MTHFD2L: variants seen among roughly 807,000 people sequenced by gnomAD.
MTHFD2L encodes methylenetetrahydrofolate dehydrogenase (NADP+ dependent) 2 like, also known as bifunctional methylenetetrahydrofolate dehydrogenase/cyclohydrolase 2, mitochondrial.
Under a neutral mutation model 34.9 loss-of-function variants are expected in MTHFD2L, and 29 were observed. That is an observed-to-expected ratio of 0.83 (90% CI 0.62 to 1.13). The LOEUF (loss-of-function observed/expected upper bound fraction) is 1.13, where lower values mean the gene tolerates loss of function less well. Ranked by LOEUF, MTHFD2L falls within the 50% of genes most tolerant of loss-of-function variation. The pLI, the probability that MTHFD2L is intolerant of heterozygous loss-of-function variation, is 0.00. For synonymous variants in MTHFD2L, 167 were observed against 155.7 expected (o/e 1.07, Z -0.54); for missense variants, 481 against 446.5 (o/e 1.08, Z -0.70).
At chr4:74,154,235 T>C (rs1403088880), upstream of MTHFD2L, among the ~76,000 whole-genome samples, 1 of 152,188 alleles carries the variant, frequency 6.6e-6, no homozygotes, top group Non-Finnish European at 1.5e-5. Context: ...ATCAGTATGA[T>C]ATATTGGTGT....
intron 1 of MTHFD2L, among the ~76,000 whole-genome samples, chr4:74,166,215 TG>T (rs1389677016): frequency 6.6e-6 from 1 of 152,230 alleles, no homozygotes; most frequent in African/African-American, 2.4e-5. Context: ...GGAAGGAGGC[TG>T]GAAGTCTGAA....
chr4:74,142,340 G>A (rs1723325462), intron 1 of MTHFD2L, among the ~76,000 whole-genome samples: 1 of 152,144 alleles, frequency 6.6e-6, no homozygotes, highest in Non-Finnish European at 1.5e-5. Context: ...GGGCCTTTGG[G>A]AGGTAATTAG....
At chr4:74,262,784 T>C (rs145229730) in intron 6 of MTHFD2L, among the ~76,000 whole-genome samples, 4 of 152,058 alleles carry the variant, frequency 2.6e-5, no homozygotes, top group African/African-American at 9.6e-5. Context: ...AGTTATGCTT[T>C]ATTATAGTCC....
intron 6 of MTHFD2L, among the ~76,000 whole-genome samples, chr4:74,278,970 A>G (rs1476680619): frequency 6.6e-6 from 1 of 152,096 alleles, no homozygotes; most frequent in Non-Finnish European, 1.5e-5. Flanking sequence ...TTATTTAGCT[A>G]CCTATGACTC....
chr4:74,204,213 G>A (rs1444981129), intron 5 of MTHFD2L, among the ~76,000 whole-genome samples: 1 of 151,984 alleles, frequency 6.6e-6, no homozygotes, highest in Non-Finnish European at 1.5e-5. Flanking sequence ...CATTTAATCT[G>A]TGTAGGCCTC....
chr4:74,267,115 A>G (rs980953286), intron 6 of MTHFD2L: 236 of 985,150 alleles, frequency 2.4e-4, no homozygotes, highest in Non-Finnish European at 2.7e-4. Context: ...CTTTAAATAA[A>G]TGTTTCTAAA....
At chr4:74,231,940 A>G (rs900167162) in intron 6 of MTHFD2L, among the ~76,000 whole-genome samples, 2 of 152,212 alleles carry the variant, frequency 1.3e-5, no homozygotes, top group African/African-American at 4.8e-5. Context: ...GCATAGTGTA[A>G]TCAAGCTAGC....
At chr4:74,209,490 T>C (rs1472688081) in intron 5 of MTHFD2L, among the ~76,000 whole-genome samples, 10 of 152,282 alleles carry the variant, frequency 6.6e-5, no homozygotes, top group Non-Finnish European at 1.3e-4. Flanking sequence ...TGATGGTTTC[T>C]AGCTTCATCC....
intron 7 of MTHFD2L, among the ~76,000 whole-genome samples, chr4:74,286,714 T>C (rs1748223418): frequency 6.6e-6 from 1 of 152,206 alleles, no homozygotes; most frequent in African/African-American, 2.4e-5. Flanking sequence ...CTCTACCCTT[T>C]TGAAGCTTTA....
intron 7 of MTHFD2L, among the ~76,000 whole-genome samples, chr4:74,282,087 G>A (rs571911822): frequency 3.3e-5 from 5 of 152,018 alleles, no homozygotes; most frequent in African/African-American, 1.2e-4. Flanking sequence ...TTTTGTGGTC[G>A]ATGAAAGATA....
chr4:74,250,264 A>G (rs1287320783), intron 6 of MTHFD2L, among the ~76,000 whole-genome samples: 2 of 152,220 alleles, frequency 1.3e-5, no homozygotes, highest in African/African-American at 4.8e-5. Flanking sequence ...GAAACAAAAA[A>G]GTTTGAAAAT....
At chr4:74,123,119 A>T (rs188168394), upstream of MTHFD2L, among the ~76,000 whole-genome samples, 357 of 152,328 alleles carry the variant, frequency 2.3e-3, 1 homozygote, top group African/African-American at 8.0e-3. Flanking sequence ...ATTTGCTGAG[A>T]CCTGGGAGTG....
intron 4 of MTHFD2L, among the ~76,000 whole-genome samples, chr4:74,200,654 A>G (rs1734267293): frequency 6.6e-6 from 1 of 152,202 alleles, no homozygotes; most frequent in Non-Finnish European, 1.5e-5. Flanking sequence ...TGAGAAAGAA[A>G]AACTTCCAAG....
intron 3 of MTHFD2L, among the ~76,000 whole-genome samples, chr4:74,181,327 A>G (rs1730124687): frequency 6.6e-6 from 1 of 152,194 alleles, no homozygotes; most frequent in Admixed American, 6.5e-5. Context: ...GTAAATATGT[A>G]CTATTTACTA....
At chr4:74,287,877 A>G (rs1748389094) in intron 7 of MTHFD2L, among the ~76,000 whole-genome samples, 1 of 152,220 alleles carries the variant, frequency 6.6e-6, no homozygotes, top group African/African-American at 2.4e-5. Flanking sequence ...AGTTTTCCAG[A>G]AATGCCATAA....
intron 6 of MTHFD2L, among the ~76,000 whole-genome samples, chr4:74,254,959 A>T (rs953930834): frequency 1.3e-5 from 2 of 151,746 alleles, no homozygotes; most frequent in Non-Finnish European, 2.9e-5. Context: ...ATGTGGTAAA[A>T]CCCCATCTCT....
chr4:74,284,311 G>T (rs1460435848), intron 7 of MTHFD2L, among the ~76,000 whole-genome samples: 1 of 152,132 alleles, frequency 6.6e-6, no homozygotes, highest in Non-Finnish European at 1.5e-5. Context: ...GTTGGAAGCT[G>T]ATTCATACTT....
intron 6 of MTHFD2L, among the ~76,000 whole-genome samples, chr4:74,276,208 G>T (rs1396288966): frequency 2.6e-5 from 4 of 152,132 alleles, no homozygotes; most frequent in Non-Finnish European, 5.9e-5. Flanking sequence ...AACATCAAAA[G>T]ATTTGATATT....
chr4:74,147,208 CT>C (rs942326104), intron 1 of MTHFD2L, among the ~76,000 whole-genome samples: 1 of 151,834 alleles, frequency 6.6e-6, no homozygotes, highest in African/African-American at 2.4e-5. Context: ...AAGTTCTTTT[CT>C]TTTTTTTCTC....
Sources: allele counts gnomAD v4.1 joint callset (sites outside exome capture counted in the v4.1 genomes callset), GRCh38; gene constraint gnomAD v4.1.1; transcripts MANE v1.5; gene names NCBI Gene and HGNC (gene_info 2026-07-23, HGNC 2026-07-21).